TRMT9B: variants seen among roughly 807,000 people sequenced by gnomAD.
TRMT9B encodes probable tRNA methyltransferase 9B.
A neutral mutation model predicts 11.5 loss-of-function variants in TRMT9B; 16 were observed. The ratio of observed to expected loss-of-function variants is 1.39; its 90% CI spans 0.94 to 2.11. TRMT9B has a LOEUF of 2.11. Ranked by LOEUF, TRMT9B falls within the 30% of genes most tolerant of loss-of-function variation. The pLI is 0.00. For missense variants in TRMT9B, 941 were observed against 553.8 expected, an observed-to-expected ratio of 1.70 and a Z score of -7.02; for synonymous variants, 274 against 192.4, an observed-to-expected ratio of 1.42 and a Z score of -3.51.
At chr8:12,976,677 A>G (rs979909082) in intron 1 of TRMT9B, among the ~76,000 whole-genome samples, 4 of 152,354 alleles carry the variant, frequency 2.6e-5, no homozygotes, top group South Asian at 4.1e-4. Context: ...AGAGTTTAGT[A>G]AAAGGCCCGT....
Position 12,990,860 on chromosome 8 carries a change from A to T in TRMT9B, c.-173A>T. 7.8e-7 allele frequency: 1 copy of T among 1,289,702 alleles called. No homozygotes were observed. Among genetic ancestry groups the T allele is most frequent in the Non-Finnish European group, 1.0e-6 (1 of 988,612 alleles). The allele number at this position is 1,289,702 out of a possible 1,614,324, so 79.9% of individuals were successfully genotyped here. A position where few individuals can be genotyped will look rare whatever the true frequency, so the allele number is the denominator to read the frequency against. On this transcript the variant is annotated 5_prime_UTR_variant, in exon 2 of 5. Transcript: ENST00000524591. ...GCCTGTGCTTCCTTCAGAGACTCAC[A>T]CAAGAGGTTTATCATGAGAAGGACC...
chr8:12,974,332 G>A (rs1157608064), intron 1 of TRMT9B, among the ~76,000 whole-genome samples: 1 of 152,112 alleles, frequency 6.6e-6, no homozygotes, highest in African/African-American at 2.4e-5. Flanking sequence ...ATAGCAGCAG[G>A]TCCAAGCTGG....
intron 1 of TRMT9B, among the ~76,000 whole-genome samples, chr8:12,982,784 T>C (rs1483828164): frequency 2.0e-5 from 3 of 152,192 alleles, no homozygotes; most frequent in African/African-American, 4.8e-5. Context: ...AGTGACCACA[T>C]GATGCCACAA....
At chr8:12,982,523 G>T (rs1805577384) in intron 1 of TRMT9B, among the ~76,000 whole-genome samples, 1 of 152,108 alleles carries the variant, frequency 6.6e-6, no homozygotes, top group Admixed American at 6.6e-5. Flanking sequence ...TTAGCTGGGT[G>T]CAGTGGCACA....
At chr8:13,008,882 C>G (rs1045865366) in intron 3 of TRMT9B, among the ~76,000 whole-genome samples, 13 of 152,148 alleles carry the variant, frequency 8.5e-5, no homozygotes, top group African/African-American at 2.4e-5. Flanking sequence ...TTGCCCGCCA[C>G]CACGCCCAGC....
Position 13,012,910 on chromosome 8 carries a change from G to C in TRMT9B, c.328+53G>C, listed in dbSNP as rs555306985. The C allele has an allele frequency of 8.1e-5, 129 of 1,589,118 alleles. 1 individual carries two copies. In the South Asian group the frequency reaches 1.3e-3, roughly 15 times the overall value. ...CTTTGCCATGAGAATAATTGACCCGGTTTAGTCCGTTCTCATGACTCAACA... is the reference window on the plus strand; with the variant it reads ...CTTTGCCATGAGAATAATTGACCCGCTTTAGTCCGTTCTCATGACTCAACA... On this transcript the variant is annotated intron_variant, in intron 4 of 4. Transcript: ENST00000524591.
intron 3 of TRMT9B, chr8:13,007,518 G>A (rs1421657933): frequency 6.6e-6 from 1 of 152,204 alleles, no homozygotes; most frequent in East Asian, 1.9e-4. Flanking sequence ...ACTGGTAAGA[G>A]AAACAGACAT....
chr8:12,973,647 G>A (rs1417736827), intron 1 of TRMT9B, among the ~76,000 whole-genome samples: 1 of 149,838 alleles, frequency 6.7e-6, no homozygotes, highest in African/African-American at 2.5e-5. Context: ...CATGTTGGAG[G>A]TGTAGGGGTG....
At position 13,021,942 on chromosome 8, in the gene TRMT9B, C is replaced by T. The variant is rs551128894; in HGVS notation, c.1263C>T (p.Cys421=). Residue 421 remains cysteine (C), a synonymous_variant, in exon 5 of 5, where the codon TGC becomes TGT. Coordinates refer to ENST00000524591, the MANE Select transcript of TRMT9B (RefSeq NM_020844.3). ...YYHVFREGEL[C]SLLKENVSEL... ...ATGTGTTTCGAGAAGGGGAGCTCTG[C>T]AGTCTGCTCAAGGAGAATGTGTCAG... 5.6e-6 allele frequency: 9 copies of T among 1,613,658 alleles called. No individual in the cohort carries two copies. Among genetic ancestry groups the T allele is most frequent in the Non-Finnish European group, 7.6e-6 (9 of 1,179,800 alleles).
intron 1 of TRMT9B, among the ~76,000 whole-genome samples, chr8:12,967,196 A>G (rs1456289867): frequency 6.6e-6 from 1 of 152,230 alleles, no homozygotes; most frequent in African/African-American, 2.4e-5. Context: ...ATGATCATCC[A>G]AAGATATGCA....
Position 13,012,379 on chromosome 8 carries a change from C to G in TRMT9B, c.155-305C>G, listed in dbSNP as rs1254059667. ...ATCACCTGAGGTTGGGAGTTCGAGA[C>G]CAACCTGACCAACATGGAGAAACCC... is the stretch of plus-strand genomic sequence containing the variant. On this transcript the variant is annotated intron_variant, in intron 3 of 4. Coordinates refer to ENST00000524591, the MANE Select transcript of TRMT9B (RefSeq NM_020844.3). 5.2e-6 allele frequency: 3 copies of G among 574,792 alleles called. No individual in the cohort carries two copies. In the Admixed American group the frequency reaches 1.7e-4, roughly 32 times the overall value. The allele number at this position is 574,792 out of a possible 1,614,324, so 35.6% of individuals were successfully genotyped here.
At chr8:12,997,206 C>T (rs532085361) in intron 2 of TRMT9B, among the ~76,000 whole-genome samples, 7 of 151,990 alleles carry the variant, frequency 4.6e-5, no homozygotes, top group East Asian at 1.9e-4. Context: ...GGGATGTGTT[C>T]GGGTTATGGT....
At chr8:13,002,899 C>G (rs1262914869) in intron 2 of TRMT9B, among the ~76,000 whole-genome samples, 1 of 152,146 alleles carries the variant, frequency 6.6e-6, no homozygotes, top group African/African-American at 2.4e-5. Flanking sequence ...CAGTTACACT[C>G]CCATCTGCCA....
At chr8:12,954,223 C>T (rs578158386) in intron 1 of TRMT9B, among the ~76,000 whole-genome samples, 4 of 152,184 alleles carry the variant, frequency 2.6e-5, no homozygotes, top group Admixed American at 1.3e-4. Flanking sequence ...CTGGAGATTG[C>T]AGGGGTTGTA....
intron 2 of TRMT9B, among the ~76,000 whole-genome samples, chr8:12,996,347 C>A (rs1808336089): frequency 6.6e-6 from 1 of 152,166 alleles, no homozygotes; most frequent in Admixed American, 6.5e-5. Flanking sequence ...AACTTCTTTA[C>A]TGGGAGCAAA....
At chr8:13,013,103 C>G (rs1218503695) in intron 4 of TRMT9B, among the ~76,000 whole-genome samples, 1 of 152,064 alleles carries the variant, frequency 6.6e-6, no homozygotes, top group Non-Finnish European at 1.5e-5. Flanking sequence ...TGATTCATTC[C>G]AATTTCTTTT....
In TRMT9B at chr8:13,027,182, A is replaced by T. The variant is rs1203078423; in HGVS notation, c.*5138A>T. On this transcript the variant is annotated 3_prime_UTR_variant, in exon 5 of 5. Transcript: ENST00000524591. ...GGATACACAGTCTGCTGTGTGCTGG[A>T]TACATATGATACAAGGTAATGACTA... The T allele has an allele frequency of 6.0e-6, 1 of 167,072 alleles. No individual in the cohort carries two copies. Among genetic ancestry groups the T allele is most frequent in the Non-Finnish European group, 1.5e-5 (1 of 68,120 alleles). 10.3% of individuals were successfully genotyped at this position (167,072 alleles called of 1,614,324 possible).
At chr8:13,014,486 G>A (rs890719298) in intron 4 of TRMT9B, among the ~76,000 whole-genome samples, 2 of 152,106 alleles carry the variant, frequency 1.3e-5, no homozygotes, top group African/African-American at 4.8e-5. Context: ...GGGAGAATGA[G>A]AGAGATAGAG....
chr8:12,981,993 C>CGGG (rs1805473102), intron 1 of TRMT9B, among the ~76,000 whole-genome samples: 1 of 152,100 alleles, frequency 6.6e-6, no homozygotes, highest in Non-Finnish European at 1.5e-5. Flanking sequence ...TCATGACCTC[C>CGGG]TAAATTTTAT....
Sources: allele counts gnomAD v4.1 joint callset (sites outside exome capture counted in the v4.1 genomes callset), GRCh38; gene constraint gnomAD v4.1.1; transcripts MANE v1.5; gene names NCBI Gene and HGNC (gene_info 2026-07-23, HGNC 2026-07-21).